The following CUEDC1 variants were observed in gnomAD, a reference collection of about 807,000 sequenced individuals.
The protein encoded by CUEDC1 is CUE domain-containing protein 1.
A neutral mutation model predicts 43.7 loss-of-function variants in CUEDC1; 30 were observed. The ratio of observed to expected loss-of-function variants is 0.69; its 90% CI spans 0.51 to 0.93. The LOEUF is 0.93. Ranked by LOEUF, CUEDC1 falls within the 40% of genes least tolerant of loss-of-function variation. The pLI, the probability that CUEDC1 is intolerant of heterozygous loss-of-function variation, is 0.00. For synonymous variants in CUEDC1, 223 were observed against 223.6 expected, an observed-to-expected ratio of 1.00 and a Z score of 0.02; for missense variants, 486 against 549.0, an observed-to-expected ratio of 0.89 and a Z score of 1.15.
At position 57,873,583 on chromosome 17, in the gene CUEDC1, C is replaced by A; in HGVS notation, c.591+8G>T. 1 of 1,552,980 alleles carries A rather than the reference C, an allele frequency of 6.4e-7. No individual in the cohort carries two copies. The highest frequency in any genetic ancestry group is 1.2e-5 in the South Asian group (1 of 83,246). ...GTGGGAGTGGAAGGCGGGGGCGGCC[C>A]CTGTTACCTGTATGCTGTCCAGCTG... is the stretch of plus-strand genomic sequence containing the variant. On this transcript the variant is annotated splice_region_variant and intron_variant, in intron 4 of 10. Coordinates refer to ENST00000577830, the MANE Select transcript of CUEDC1 (RefSeq NM_001271875.2).
intron 1 of CUEDC1, among the ~76,000 whole-genome samples, chr17:57,891,244 C>G (rs953596819): frequency 6.6e-6 from 1 of 152,230 alleles, no homozygotes; most frequent in African/African-American, 2.4e-5. Context: ...CTGTGATTCC[C>G]TCCGACCCCA....
Position 57,900,419 on chromosome 17 carries a change from C to G in CUEDC1, c.-315-14540G>C, listed in dbSNP as rs376492170. ...CCCCAGGGATGGAAGGGTCTGTACA[C>G]TTTCTTTAGCTACAGAACCAGAACC... On this transcript the variant is annotated intron_variant, in intron 1 of 10. Coordinates refer to ENST00000577830, the MANE Select transcript of CUEDC1 (RefSeq NM_001271875.2). Among the ~76,000 whole-genome samples the G allele has an allele frequency of 2.4e-4, 37 of 152,314 alleles. 1 individual carries two copies. Among genetic ancestry groups the G allele is most frequent in the South Asian group, 8.3e-4 (4 of 4,830 alleles).
chr17:57,928,122 T>C (rs560395635), intron 1 of CUEDC1, among the ~76,000 whole-genome samples: 1 of 152,368 alleles, frequency 6.6e-6, no homozygotes, highest in Non-Finnish European at 1.5e-5. Context: ...GTGAGATTTC[T>C]GTGAGGTCTA....
At chr17:57,874,868 C>T (rs1267307011) in intron 3 of CUEDC1, among the ~76,000 whole-genome samples, 1 of 143,564 alleles carries the variant, frequency 7.0e-6, no homozygotes, top group East Asian at 2.3e-4. Context: ...GCGGCGGGGG[C>T]GAGGGGAAGG....
At chr17:57,906,841 G>A (rs373371178) in intron 1 of CUEDC1, among the ~76,000 whole-genome samples, 1 of 151,930 alleles carries the variant, frequency 6.6e-6, no homozygotes, top group African/African-American at 2.4e-5. Context: ...GCGTGATGGC[G>A]GGCGCCTGTA....
Position 57,930,843 on chromosome 17 carries a change from G to C in CUEDC1, c.-316+24382C>G, listed in dbSNP as rs2074796857. ...AGCCACAAACAGTCCAACTCCAAAG[G>C]GGAAATGGTCCCCATTTCCTGCAGG... On this transcript the variant is annotated intron_variant, in intron 1 of 10. Coordinates refer to ENST00000577830, the MANE Select transcript of CUEDC1 (RefSeq NM_001271875.2). This position sits in a 1 kb window ranked among gnomAD's most constrained non-coding sequence, Gnocchi z 4.2. Among the ~76,000 whole-genome samples, 1 of 152,058 alleles carries C rather than the reference G, an allele frequency of 6.6e-6. No homozygotes were observed. The highest frequency in any genetic ancestry group is 1.5e-5 in the Non-Finnish European group (1 of 68,012).
At position 57,912,172 on chromosome 17, in the gene CUEDC1, A is replaced by G. The variant is rs373087782; in HGVS notation, c.-315-26293T>C. Among the ~76,000 whole-genome samples the G allele has an allele frequency of 6.3e-4, 96 of 152,252 alleles. 1 individual carries two copies. The highest frequency in any genetic ancestry group is 2.2e-3 in the African/African-American group (90 of 41,554). ...GCTACACACACACAACCTTGGCCCCAGTTGCAGGTGCTGGTGCCTGCCAAC... is the reference window on the plus strand; with the variant it reads ...GCTACACACACACAACCTTGGCCCCGGTTGCAGGTGCTGGTGCCTGCCAAC... On this transcript the variant is annotated intron_variant, in intron 1 of 10. Coordinates refer to ENST00000577830, the MANE Select transcript of CUEDC1 (RefSeq NM_001271875.2).
chr17:57,925,097 G>C (rs572202530), intron 1 of CUEDC1, among the ~76,000 whole-genome samples: 11 of 147,160 alleles, frequency 7.5e-5, no homozygotes, highest in African/African-American at 2.7e-4. Context: ...ATCACAACTA[G>C]TTTTTAAAAC....
At chr17:57,952,168 C>A (rs576129783) in intron 1 of CUEDC1, among the ~76,000 whole-genome samples, 1 of 152,076 alleles carries the variant, frequency 6.6e-6, no homozygotes, top group Non-Finnish European at 1.5e-5. Flanking sequence ...TGGACCACAG[C>A]GCTTTAGGGT....
chr17:57,877,090 T>C (rs1385477562), intron 3 of CUEDC1, among the ~76,000 whole-genome samples: 1 of 152,198 alleles, frequency 6.6e-6, no homozygotes, highest in African/African-American at 2.4e-5. Context: ...ACAAGTCAAG[T>C]TCTCCTCAGG....
rs2075045414 is a variant in CUEDC1, at chr17:57,955,169, C to G, written c.-316+56G>C. ...CGCGGCCGGGATTGCGCGCGGGGCGCCGGCGAGGACCGCGCCCGGGGCCGG... is the reference window on the plus strand; with the variant it reads ...CGCGGCCGGGATTGCGCGCGGGGCGGCGGCGAGGACCGCGCCCGGGGCCGG... On this transcript the variant is annotated intron_variant, in intron 1 of 10. Transcript: ENST00000577830. This position sits in a 1 kb window ranked among gnomAD's most constrained non-coding sequence, Gnocchi z 5.3. The G allele has an allele frequency of 6.9e-6, 1 of 144,796 alleles. No individual in the cohort carries two copies. The allele number at this position is 144,796 out of a possible 1,614,324, so 9.0% of individuals were successfully genotyped here.
intron 2 of CUEDC1, among the ~76,000 whole-genome samples, chr17:57,883,785 C>T (rs1008721605): frequency 3.3e-5 from 5 of 152,092 alleles, no homozygotes; most frequent in Admixed American, 1.3e-4. Context: ...TAGGATGATG[C>T]CTGGCACGGG....
chr17:57,902,031 A>G (rs375106279), intron 1 of CUEDC1, among the ~76,000 whole-genome samples: 209 of 152,106 alleles, frequency 1.4e-3, no homozygotes, highest in African/African-American at 4.8e-3. Flanking sequence ...AAAATTAGCC[A>G]GGCGTGGTGG....
intron 1 of CUEDC1, among the ~76,000 whole-genome samples, chr17:57,894,707 C>A (rs529995733): frequency 1.3e-5 from 2 of 150,360 alleles, no homozygotes; most frequent in Admixed American, 6.6e-5. Context: ...CAAAAAAGAC[C>A]TTTTCTTTTC....
At chr17:57,919,581 T>C (rs1431261563) in intron 1 of CUEDC1, among the ~76,000 whole-genome samples, 3 of 152,186 alleles carry the variant, frequency 2.0e-5, no homozygotes, top group East Asian at 1.9e-4. Flanking sequence ...CCTGGAGCCA[T>C]GATCAAAGGC....
chr17:57,884,192 C>CTT (rs780667346), intron 2 of CUEDC1, among the ~76,000 whole-genome samples: 273 of 81,310 alleles, frequency 3.4e-3, no homozygotes, highest in African/African-American at 6.9e-3. Context: ...TTTTTCTTTT[C>CTT]TTTTTTTTTT....
rs773411131 is a variant in CUEDC1 at position 57,869,077 on chromosome 17, T to C, written c.940+45A>G. Reference sequence around the variant, plus strand: ...CACTCCTGGGAGGCCACAGGGCCTGTCTCAGAAAAGCTGGGGAGGGAAGCG... The same window carrying C: ...CACTCCTGGGAGGCCACAGGGCCTGCCTCAGAAAAGCTGGGGAGGGAAGCG... On this transcript the variant is annotated intron_variant, in intron 7 of 10. Transcript: ENST00000577830. 8 of 1,603,710 alleles carry C rather than the reference T, an allele frequency of 5.0e-6. 1 individual carries two copies. In the South Asian group the frequency reaches 7.8e-5, roughly 16 times the overall value.
At chr17:57,880,073 T>G (rs1167795546) in intron 2 of CUEDC1, among the ~76,000 whole-genome samples, 1 of 152,138 alleles carries the variant, frequency 6.6e-6, no homozygotes, top group Admixed American at 6.5e-5. Context: ...GTGTGCCCTC[T>G]GTGGAGCGGG....
In CUEDC1 at chr17:57,885,534, CGCT is replaced by C; in HGVS notation, c.28_30del (p.Ser10del). On this transcript the variant is annotated inframe_deletion, in exon 2 of 11. Coordinates refer to ENST00000577830, the MANE Select transcript of CUEDC1 (RefSeq NM_001271875.2). Reference sequence around the variant, plus strand: ...CCGGCGGTGCCACCCCCGCCGCTGCCGCTGCTGCTCCGGCGGAACAGGCTGGTC... The same window carrying C: ...CCGGCGGTGCCACCCCCGCCGCTGCCGCTGCTCCGGCGGAACAGGCTGGTC... 1.4e-6 allele frequency: 2 copies of C among 1,383,020 alleles called. No homozygotes were observed. Among genetic ancestry groups the C allele is most frequent in the Non-Finnish European group, 9.3e-7 (1 of 1,075,724 alleles). 85.7% of individuals were successfully genotyped at this position (1,383,020 alleles called of 1,614,324 possible). A position where few individuals can be genotyped will look rare whatever the true frequency, so the allele number is the denominator to read the frequency against.
Sources: gnomAD v4.1 joint callset for allele counts (sites outside exome capture counted in the v4.1 genomes callset) on GRCh38, gnomAD v4.1.1 for gene constraint, Gnocchi (gnomAD v3.1) non-coding constraint, MANE v1.5 for transcripts, NCBI Gene and HGNC (gene_info 2026-07-23, HGNC 2026-07-21) for gene names.